Variants in PINX1 observed in about 807,000 individuals in gnomAD.
The protein encoded by PINX1 is PIN2/TERF1-interacting telomerase inhibitor 1.
A neutral mutation model predicts 25.4 loss-of-function variants in PINX1; 34 were observed. That is an observed-to-expected ratio of 1.34 (90% CI 1.02 to 1.78). PINX1 has a LOEUF of 1.78. Ranked by LOEUF, PINX1 falls within the 40% of genes most tolerant of loss-of-function variation. PINX1 has a pLI of 0.00. For missense variants in PINX1, 592 were observed against 404.9 expected (o/e 1.46, Z -3.97); for synonymous variants, 197 against 147.7 (o/e 1.33, Z -2.42).
chr8:10,782,006 C>A (rs771825857), intron 6 of PINX1, among the ~76,000 whole-genome samples: 37 of 150,428 alleles, frequency 2.5e-4, no homozygotes, highest in South Asian at 1.1e-3. Flanking sequence ...TATTACTCAG[C>A]CTTTAAAAAG....
intron 6 of PINX1, among the ~76,000 whole-genome samples, chr8:10,803,178 T>C (rs1802324346): frequency 6.6e-6 from 1 of 152,264 alleles, no homozygotes; most frequent in Non-Finnish European, 1.5e-5. Flanking sequence ...GCCACATTGT[T>C]ACATCATTGC....
chr8:10,819,167 T>G (rs1374972231), intron 6 of PINX1, among the ~76,000 whole-genome samples: 1 of 152,212 alleles, frequency 6.6e-6, no homozygotes, highest in African/African-American at 2.4e-5. Flanking sequence ...AGACAGGGGC[T>G]AAAAGACCCA....
chr8:10,798,784 T>A (rs1802170091), intron 6 of PINX1, among the ~76,000 whole-genome samples: 1 of 152,200 alleles, frequency 6.6e-6, no homozygotes, highest in Non-Finnish European at 1.5e-5. Flanking sequence ...CCATATTACC[T>A]GGGAGCTTGT....
intron 6 of PINX1, among the ~76,000 whole-genome samples, chr8:10,791,237 G>C (rs1299761893): frequency 2.0e-5 from 3 of 152,070 alleles, no homozygotes; most frequent in African/African-American, 7.2e-5. Context: ...TAGATCCTCA[G>C]CTTATTTTTC....
At chr8:10,797,900 G>C (rs1802137966) in intron 6 of PINX1, among the ~76,000 whole-genome samples, 1 of 152,192 alleles carries the variant, frequency 6.6e-6, no homozygotes, top group Admixed American at 6.5e-5. Flanking sequence ...CATGTCAGGA[G>C]AATCTCAGCC....
rs573956418 is a variant in PINX1 at position 10,837,529 on chromosome 8, T to G, written c.19+2209A>C. On this transcript the variant is annotated intron_variant, in intron 1 of 6. Transcript: ENST00000314787. ...AATCTGGGGATGATCTTGGGGACCC[T>G]TGACACGATCTGGAACAGCAGTGTT... Among the ~76,000 whole-genome samples, 14 of 152,342 alleles carry G rather than the reference T, an allele frequency of 9.2e-5. No homozygotes were observed. In the South Asian group the frequency reaches 1.5e-3, roughly 16 times the overall value.
intron 6 of PINX1, among the ~76,000 whole-genome samples, chr8:10,779,807 CA>C (rs1182222986): frequency 6.6e-6 from 1 of 152,116 alleles, no homozygotes; most frequent in Non-Finnish European, 1.5e-5. Flanking sequence ...ATACATGTAA[CA>C]AGGCCTACAA....
Position 10,786,253 on chromosome 8 carries a change from C to T in PINX1, c.472-20337G>A, listed in dbSNP as rs1801744169. Among the ~76,000 whole-genome samples, 7 of 152,182 alleles carry T rather than the reference C, an allele frequency of 4.6e-5. No homozygotes were observed. In the South Asian group the frequency reaches 1.5e-3, roughly 32 times the overall value. On this transcript the variant is annotated intron_variant, in intron 6 of 6. Transcript: ENST00000314787. ...ACTGACAAACCTGATAATTGAACAT[C>T]AGAGTTAGGTCTATAAACGGCATCA...
intron 6 of PINX1, among the ~76,000 whole-genome samples, chr8:10,766,788 C>G (rs929984032): frequency 6.6e-6 from 1 of 152,152 alleles, no homozygotes; most frequent in African/African-American, 2.4e-5. Flanking sequence ...ATGTATATAT[C>G]TAAAAGTACA....
intron 6 of PINX1, among the ~76,000 whole-genome samples, chr8:10,799,279 T>A (rs1363877560): frequency 6.6e-6 from 1 of 152,178 alleles, no homozygotes; most frequent in African/African-American, 2.4e-5. Context: ...ATCATCAATT[T>A]AAGATGGTCT....
chr8:10,786,226 G>A (rs1034462945), intron 6 of PINX1, among the ~76,000 whole-genome samples: 1 of 152,062 alleles, frequency 6.6e-6, no homozygotes, highest in Non-Finnish European at 1.5e-5. Flanking sequence ...GAATTTCTTG[G>A]GACTGACAAA....
intron 6 of PINX1, among the ~76,000 whole-genome samples, chr8:10,804,493 G>A (rs1802374686): frequency 6.6e-6 from 1 of 152,082 alleles, no homozygotes; most frequent in Non-Finnish European, 1.5e-5. Flanking sequence ...GTGTGTTAAG[G>A]GAGCTGCATC....
intron 6 of PINX1, among the ~76,000 whole-genome samples, chr8:10,784,599 C>T (rs1045177988): frequency 6.6e-6 from 1 of 152,176 alleles, no homozygotes; most frequent in African/African-American, 2.4e-5. Context: ...ATAAACCTCA[C>T]AAAACCTAGT....
chr8:10,780,185 T>C (rs567921385), intron 6 of PINX1, among the ~76,000 whole-genome samples: 10 of 152,328 alleles, frequency 6.6e-5, no homozygotes, highest in African/African-American at 2.4e-4. Flanking sequence ...ATTTTTCCTT[T>C]CCAATTCAGA....
intron 6 of PINX1, among the ~76,000 whole-genome samples, chr8:10,786,747 C>T (rs990854429): frequency 2.6e-5 from 4 of 152,122 alleles, no homozygotes; most frequent in Non-Finnish European, 4.4e-5. Context: ...CTTCCTCCCT[C>T]TTGCTCCCCC....
chr8:10,828,895 G>C (rs533493150), intron 4 of PINX1, among the ~76,000 whole-genome samples: 5 of 152,134 alleles, frequency 3.3e-5, no homozygotes, highest in African/African-American at 1.2e-4. Context: ...ACACCCCTAC[G>C]CTAACCCAGC....
intron 4 of PINX1, among the ~76,000 whole-genome samples, chr8:10,829,937 G>C (rs1250752088): frequency 6.6e-6 from 1 of 152,180 alleles, no homozygotes; most frequent in African/African-American, 2.4e-5. Flanking sequence ...GCCCGCCTCA[G>C]CCTCCCAAAG....
chr8:10,799,872 G>C (rs1053067102), intron 6 of PINX1, among the ~76,000 whole-genome samples: 1 of 152,184 alleles, frequency 6.6e-6, no homozygotes, highest in African/African-American at 2.4e-5. Context: ...CAACAAAGCT[G>C]AATAGGGAAC....
chr8:10,833,672 AAT>A lies in PINX1; in HGVS notation c.130-690_130-689del, dbSNP rs1353669670. The A allele has an allele frequency of 1.4e-3, 46 of 33,468 alleles. 9 individuals are homozygous for A. The highest frequency in any genetic ancestry group is 9.6e-3 in the South Asian group (24 of 2,506). The allele number at this position is 33,468 out of a possible 1,614,324, so 2.1% of individuals were successfully genotyped here. The stretch of plus-strand genomic sequence containing the variant: ...ACTGGGGTGCGGGAGGCTGGAGAAG[AAT>A]GACGACTGGGGTGCGGGAGGCTGGA... On this transcript the variant is annotated intron_variant, in intron 2 of 6. Coordinates refer to ENST00000314787, the MANE Select transcript of PINX1 (RefSeq NM_017884.6).
Sources: gnomAD v4.1 joint callset for allele counts (sites outside exome capture counted in the v4.1 genomes callset) on GRCh38, gnomAD v4.1.1 for gene constraint, MANE v1.5 for transcripts, NCBI Gene and HGNC (gene_info 2026-07-23, HGNC 2026-07-21) for gene names.